The following ALAS1 variants were observed in gnomAD, a reference collection of about 807,000 sequenced individuals.
ALAS1 encodes the protein 5-aminolevulinate synthase, non-specific, mitochondrial.
ALAS1 carries 29 observed loss-of-function variants against 59.6 expected under a neutral mutation model. That is an observed-to-expected ratio of 0.49 (90% CI 0.36 to 0.66). ALAS1 has a LOEUF of 0.66. ALAS1 is among the 30% of genes least tolerant of loss of function. The probability of loss-of-function intolerance (pLI) is 0.00; values close to 1 mark genes in which losing one functional copy is unlikely to be tolerated. For synonymous variants in ALAS1, 299 were observed against 296.6 expected (o/e 1.01, Z -0.08); for missense variants, 690 against 807.5 (o/e 0.85, Z 1.76).
intron 3 of ALAS1, among the ~76,000 whole-genome samples, chr3:52,199,687 G>T (rs1238582886): frequency 6.6e-6 from 1 of 152,242 alleles, no homozygotes; most frequent in Non-Finnish European, 1.5e-5. Flanking sequence ...TTGCACGTTA[G>T]TGTCTATAGG....
At chr3:52,207,425 C>T (rs533785697) in intron 8 of ALAS1, among the ~76,000 whole-genome samples, 7 of 152,232 alleles carry the variant, frequency 4.6e-5, no homozygotes, top group East Asian at 1.9e-4. Flanking sequence ...CGTGAGCCAC[C>T]GCGCCTGGCC....
Position 52,212,423 on chromosome 3 carries a change from G to T in ALAS1, c.1762+3G>T. 1 of 1,613,804 alleles carries T rather than the reference G, an allele frequency of 6.2e-7. No individual in the cohort carries two copies. Among genetic ancestry groups the T allele is most frequent in the Non-Finnish European group, 8.5e-7 (1 of 1,179,938 alleles). ...CCAGATGATGAACTACTTCCTTGGTGAGTACCTGGGGAGCTGCTGGTGCCT... is the reference window on the plus strand; with the variant it reads ...CCAGATGATGAACTACTTCCTTGGTTAGTACCTGGGGAGCTGCTGGTGCCT... On this transcript the variant is annotated splice_donor_region_variant and intron_variant, in intron 11 of 11. Transcript: ENST00000484952.
At chr3:52,213,252 GGT>G (rs1470200010) in intron 11 of ALAS1, among the ~76,000 whole-genome samples, 4 of 152,182 alleles carry the variant, frequency 2.6e-5, no homozygotes, top group African/African-American at 9.7e-5. Context: ...ATTAGCCACA[GGT>G]CACCTCTGCC....
intron 9 of ALAS1, among the ~76,000 whole-genome samples, chr3:52,209,926 C>G (rs778516311): frequency 6.6e-6 from 1 of 152,136 alleles, no homozygotes; most frequent in African/African-American, 2.4e-5. Context: ...GTGATTTGCC[C>G]CCCTCGGCCT....
In ALAS1 at chr3:52,206,503, G is replaced by A. The variant is rs1320954112; in HGVS notation, c.986-69G>A. 14 of 1,519,382 alleles carry A rather than the reference G, an allele frequency of 9.2e-6. No individual in the cohort carries two copies. In the East Asian group the frequency reaches 2.3e-4, roughly 25 times the overall value. The allele number at this position is 1,519,382 out of a possible 1,614,324, so 94.1% of individuals were successfully genotyped here. A position where few individuals can be genotyped will look rare whatever the true frequency, so the allele number is the denominator to read the frequency against. On this transcript the variant is annotated intron_variant, in intron 7 of 11. Transcript: ENST00000484952. ...AAGCATCATTTCCAAGGAAAAGTCT[G>A]TTGTCTTTCTCTAGGAAATAATTTG...
rs1559873230 is a variant in ALAS1 at position 52,204,727 on chromosome 3, GA to G, written c.619del (p.Ile207LeufsTer16). 1 of 1,613,984 alleles carries G rather than the reference GA, an allele frequency of 6.2e-7. No homozygotes were observed. Among genetic ancestry groups the G allele is most frequent in the Non-Finnish European group, 8.5e-7 (1 of 1,179,994 alleles). On this transcript the variant is annotated frameshift_variant, in exon 6 of 12. Transcript: ENST00000484952. LOFTEE classifies it high-confidence loss of function. ...CTTTTCAGTATGATCGTTTCTTTGA[GA>G]AAAAAATTGATGAGAAAAAGAATGA... The part of the protein sequence containing the change: ...STFQYDRFFE[K>X]KIDEKKNDHT...
At chr3:52,206,852 T>G (rs1699301487) in intron 8 of ALAS1, 101 bp downstream of exon 8, 1 of 1,282,402 alleles carries the variant, frequency 7.8e-7, no homozygotes, top group South Asian at 1.5e-5. Flanking sequence ...TTTTTTTTTT[T>G]GTGACCGATC....
At position 52,211,521 on chromosome 3, in the gene ALAS1, C is replaced by T. The variant is rs756515441; in HGVS notation, c.1569C>T (p.Val523=). Residue 523 remains valine (V), a synonymous_variant, in exon 10 of 12, where the codon GTC becomes GTT. Transcript: ENST00000484952. ...QMLMDAGLPV[V]HCPSHIIPVR... is the part of the protein sequence containing the mutation. ...TAATGGATGCCGGCCTCCCTGTTGT[C>T]CACTGCCCCAGCCACATCATCCCTG... 1.2e-6 allele frequency: 2 copies of T among 1,614,246 alleles called. No individual in the cohort carries two copies. The highest frequency in any genetic ancestry group is 2.2e-5 in the East Asian group (1 of 44,892).
At chr3:52,212,552 C>CAA in intron 11 of ALAS1, 132 bp downstream of exon 11, 1 of 1,233,980 alleles carries the variant, frequency 8.1e-7, no homozygotes, top group Non-Finnish European at 1.2e-6. Context: ...TTTTTTGAGA[C>CAA]AAGAGTTTCG....
chr3:52,204,796 C>G lies in ALAS1; in HGVS notation c.681C>G (p.His227Gln). The G allele has an allele frequency of 1.2e-6, 2 of 1,614,186 alleles. No homozygotes were observed. Among genetic ancestry groups the G allele is most frequent in the Non-Finnish European group, 1.7e-6 (2 of 1,180,030 alleles). Residue 227 changes from histidine to glutamine, a missense_variant, in exon 6 of 12, where the codon CAC (histidine) becomes CAG (glutamine). By Grantham distance (24) the His-to-Gln change is conservative. Transcript: ENST00000484952. ...TTAAAACTGTGAACCGGCGAGCACA[C>G]ATCTTCCCCATGGCAGATGACTATT... ...RVFKTVNRRAHIFPMADDYSD... is the reference protein window; with the variant it reads ...RVFKTVNRRAQIFPMADDYSD...
Position 52,211,481 on chromosome 3 carries a change from T to A in ALAS1, c.1529T>A (p.Leu510His). 6.2e-7 allele frequency: 1 copy of A among 1,614,210 alleles called. No homozygotes were observed. Among genetic ancestry groups the A allele is most frequent in the Non-Finnish European group, 8.5e-7 (1 of 1,180,036 alleles). ...CGCCAGCACCAGCGCAACGTCAAAC[T>A]CATGAGACAGATGCTAATGGATGCC... Reference protein sequence around the residue: ...LRRQHQRNVKLMRQMLMDAGL... With the variant: ...LRRQHQRNVKHMRQMLMDAGL... The change falls in exon 10 of 12, where the codon CTC becomes CAC. Residue 510 changes from leucine to histidine, a missense_variant. Transcript: ENST00000484952.
At chr3:52,208,945 G>T (rs556602894) in intron 9 of ALAS1, among the ~76,000 whole-genome samples, 7 of 152,202 alleles carry the variant, frequency 4.6e-5, no homozygotes, top group Non-Finnish European at 8.8e-5. Flanking sequence ...TAAATTTGAA[G>T]AATTTTTGTA....
intron 7 of ALAS1, 73 bp from the exon 8 acceptor site, chr3:52,206,499 G>A: frequency 6.6e-7 from 1 of 1,509,092 alleles, no homozygotes; most frequent in Non-Finnish European, 9.1e-7. Context: ...CCAAGGAAAA[G>A]TCTGTTGTCT....
chr3:52,208,220 A>G lies in ALAS1; in HGVS notation c.1303A>G (p.Lys435Glu). ...TGGGGATCGGGATGGAGTCATGCCA[A>G]AAATGGACATCATTTCTGGAACACT... Reference protein sequence around the residue: ...GIGDRDGVMPKMDIISGTLGK... With the variant: ...GIGDRDGVMPEMDIISGTLGK... The change falls in exon 9 of 12, where the codon AAA becomes GAA. Residue 435 changes from lysine to glutamate, a missense_variant. By Grantham distance (56) the Lys-to-Glu change is moderately conservative. Transcript: ENST00000484952. The G allele has an allele frequency of 6.2e-7, 1 of 1,614,224 alleles. No homozygotes were observed. The highest frequency in any genetic ancestry group is 8.5e-7 in the Non-Finnish European group (1 of 1,180,036).
chr3:52,205,726 G>T, intron 6 of ALAS1, 113 bp from the exon 7 acceptor site: 9 of 1,015,136 alleles, frequency 8.9e-6, no homozygotes, highest in Non-Finnish European at 1.3e-5. Context: ...CACAGTGAGA[G>T]AGTTGCTACA....
intron 3 of ALAS1, among the ~76,000 whole-genome samples, chr3:52,199,682 C>T (rs1699149169): frequency 6.6e-6 from 1 of 152,134 alleles, no homozygotes; most frequent in Non-Finnish European, 1.5e-5. Flanking sequence ...TTGGATTGCA[C>T]GTTAGTGTCT....
intron 6 of ALAS1, 56 bp from the exon 7 acceptor site, chr3:52,205,783 C>A: frequency 6.6e-7 from 1 of 1,504,252 alleles, no homozygotes; most frequent in Non-Finnish European, 9.0e-7. Context: ...AAAAAATTCA[C>A]ATGGTGTTGA....
rs1483266997 is a variant in ALAS1, at chr3:52,206,634, C to A, written c.1048C>A (p.Arg350=). The A allele has an allele frequency of 6.2e-7, 1 of 1,614,168 alleles. No homozygotes were observed. The change falls in exon 8 of 12, where the codon CGA becomes AGA. Residue 350 remains arginine (R), a synonymous_variant. Transcript: ENST00000484952. The part of the protein sequence containing the change: ...ASMIQGIRNS[R]VPKYIFRHND... ...CATGATCCAAGGGATTCGAAACAGC[C>A]GAGTGCCAAAGTACATCTTCCGCCA...
chr3:52,202,705 A>C lies in ALAS1; in HGVS notation c.398A>C (p.Asp133Ala). ...AAAGCCAGTCTTGAGCTTCAGGAGG[A>C]TGTGCAGGAAATGAATGCCGTGAGG... ...FCKASLELQE[D>A]VQEMNAVRKE... Residue 133 changes from aspartate to alanine, a missense_variant, in exon 4 of 12, where the codon GAT (aspartate) becomes GCT (alanine). Transcript: ENST00000484952. 1 of 1,614,062 alleles carries C rather than the reference A, an allele frequency of 6.2e-7. No homozygotes were observed. The highest frequency in any genetic ancestry group is 8.5e-7 in the Non-Finnish European group (1 of 1,179,976).
Sources: allele counts gnomAD v4.1 joint callset (sites outside exome capture counted in the v4.1 genomes callset), GRCh38; gene constraint gnomAD v4.1.1; transcripts MANE v1.5; gene names NCBI Gene and HGNC (gene_info 2026-07-23, HGNC 2026-07-21).